XPO6: variants seen among roughly 807,000 people sequenced by gnomAD.
XPO6 encodes the protein exportin-6.
A neutral mutation model predicts 130.0 loss-of-function variants in XPO6; 3 were observed. That is an observed-to-expected ratio of 0.02 (90% confidence interval 0.01 to 0.06). The LOEUF is 0.06. Ranked by LOEUF, XPO6 falls within the 10% of genes least tolerant of loss-of-function variation. The pLI is 1.00. For missense variants in XPO6, 970 were observed against 1,393.0 expected (o/e 0.70, Z 4.83); for synonymous variants, 524 against 548.9 (o/e 0.95, Z 0.63).
chr16:28,101,371 C>A lies in XPO6; in HGVS notation c.3276+87G>T. On this transcript the variant is annotated intron_variant, in intron 23 of 23. Coordinates refer to ENST00000304658, the MANE Select transcript of XPO6 (RefSeq NM_015171.4). The surrounding 1 kb of genome is among the most constrained non-coding windows in gnomAD (Gnocchi z 5.4). ...GTGGGCACAGACCACGCCCAGAGGC[C>A]TCAATGTGCCCCCTCCTTGCTGCAC... 1.1e-5 allele frequency: 13 copies of A among 1,235,388 alleles called. No individual in the cohort carries two copies. The highest frequency in any genetic ancestry group is 1.5e-5 in the Non-Finnish European group (13 of 847,148). 76.5% of individuals were successfully genotyped at this position (1,235,388 alleles called of 1,614,324 possible). A position where few individuals can be genotyped will look rare whatever the true frequency, so the allele number is the denominator to read the frequency against.
intron 4 of XPO6, among the ~76,000 whole-genome samples, chr16:28,170,389 A>G (rs989564487): frequency 2.0e-5 from 3 of 152,082 alleles, no homozygotes; most frequent in Non-Finnish European, 4.4e-5. Context: ...GCTCTTTTTA[A>G]CCATTCAAAA....
At chr16:28,183,653 A>T (rs757016266) in intron 1 of XPO6, among the ~76,000 whole-genome samples, 85 of 152,148 alleles carry the variant, frequency 5.6e-4, no homozygotes, top group Non-Finnish European at 1.1e-3. Context: ...TGCTACATAA[A>T]CCATAAGGAA....
intron 12 of XPO6, 86 bp from the exon 13 acceptor site, chr16:28,125,934 C>T (rs2087392092): frequency 6.7e-7 from 1 of 1,498,356 alleles, no homozygotes; most frequent in Non-Finnish European, 9.0e-7. Context: ...AAGCCACACA[C>T]AGCAAAACCA....
chr16:28,159,918 G>A (rs749146161), intron 6 of XPO6, among the ~76,000 whole-genome samples: 10 of 152,128 alleles, frequency 6.6e-5, no homozygotes, highest in East Asian at 3.9e-4. Context: ...GGGCACAGTC[G>A]CTCACGCCTG....
intron 8 of XPO6, among the ~76,000 whole-genome samples, chr16:28,148,493 C>G (rs2043024640): frequency 6.6e-6 from 1 of 152,170 alleles, no homozygotes; most frequent in Non-Finnish European, 1.5e-5. Flanking sequence ...ACCTAGACCC[C>G]AATTTACTTT....
At position 28,098,201 on chromosome 16, in the gene XPO6, T is replaced by C; in HGVS notation, c.*337A>G. On this transcript the variant is annotated 3_prime_UTR_variant, in exon 24 of 24. Coordinates refer to ENST00000304658, the MANE Select transcript of XPO6 (RefSeq NM_015171.4). ...CTGGAATGGTGAGAAGGTGGCACTG[T>C]CGTGAGCTGTCCTTGGCAATTCTGC... The C allele has an allele frequency of 4.5e-6, 1 of 222,814 alleles. No homozygotes were observed. Among genetic ancestry groups the C allele is most frequent in the Non-Finnish European group, 8.9e-6 (1 of 112,382 alleles). The allele number at this position is 222,814 out of a possible 1,614,324, so 13.8% of individuals were successfully genotyped here.
rs2043528346 is a variant in XPO6 at position 28,175,960 on chromosome 16, C to T, written c.343G>A (p.Val115Ile). ...FIRNKLCKVI[V>I]DIGRQDWPMF... is the part of the protein sequence containing the mutation. ...GGCCAATCCTGACGTCCAATATCAA[C>T]AATAACTTTGCAGAGCTTGTTCCGG... The change falls in exon 4 of 24, where the codon GTT becomes ATT. Residue 115 changes from valine (V) to isoleucine (I), a missense_variant. Around this residue, in one of 4 missense-constraint regions of XPO6, gnomAD observed 936 missense variants for 1,306.8 expected, o/e 0.72. Transcript: ENST00000304658. 1.2e-6 allele frequency: 2 copies of T among 1,614,036 alleles called. No homozygotes were observed. The highest frequency in any genetic ancestry group is 1.7e-5 in the Admixed American group (1 of 60,006).
chr16:28,191,070 C>T (rs1211470703), intron 1 of XPO6, among the ~76,000 whole-genome samples: 1 of 152,174 alleles, frequency 6.6e-6, no homozygotes, highest in Non-Finnish European at 1.5e-5. Flanking sequence ...CCCCTGGCTG[C>T]TCCCAGCTAG....
At chr16:28,158,426 GT>G (rs1230510981) in intron 6 of XPO6, among the ~76,000 whole-genome samples, 1 of 152,164 alleles carries the variant, frequency 6.6e-6, no homozygotes, top group Non-Finnish European at 1.5e-5. Flanking sequence ...TTGCAAAACT[GT>G]AAAACAACAC....
intron 9 of XPO6, among the ~76,000 whole-genome samples, chr16:28,140,444 C>A (rs2042868850): frequency 1.3e-5 from 2 of 152,004 alleles, no homozygotes; most frequent in African/African-American, 4.8e-5. Flanking sequence ...CTTTGGGAGG[C>A]CAAGGCGGGC....
chr16:28,155,907 C>G, intron 7 of XPO6, 167 bp downstream of exon 7: 4 of 1,399,158 alleles, frequency 2.9e-6, no homozygotes, highest in Non-Finnish European at 3.7e-6. Context: ...ACCACCCAAG[C>G]CCTTCCAGCT....
At chr16:28,137,669 A>G (rs1287904275) in intron 9 of XPO6, among the ~76,000 whole-genome samples, 1 of 151,828 alleles carries the variant, frequency 6.6e-6, no homozygotes, top group Admixed American at 6.6e-5. Flanking sequence ...TAAAAATTTA[A>G]CCTATGCCAA....
At position 28,117,449 on chromosome 16, in the gene XPO6, G is replaced by C; in HGVS notation, c.1873C>G (p.Leu625Val). Residue 625 changes from leucine to valine, a missense_variant, in exon 15 of 24, where the codon CTG becomes GTG. Transcript: ENST00000304658. ...TGAGAGTAAGCCTGCAGCGCAGCCA[G>C]GGACTGAGCATGCCTGCAGAAAGAA... Reference protein sequence around the residue: ...PDLIDVHAQSLAALQAYSHWL... With the variant: ...PDLIDVHAQSVAALQAYSHWL... The C allele has an allele frequency of 6.2e-7, 1 of 1,613,952 alleles. No homozygotes were observed. Among genetic ancestry groups the C allele is most frequent in the Non-Finnish European group, 8.5e-7 (1 of 1,179,842 alleles).
At chr16:28,167,179 A>C (rs1227628506) in intron 5 of XPO6, 1 of 985,234 alleles carries the variant, frequency 1.0e-6, no homozygotes, top group African/African-American at 1.7e-5. Flanking sequence ...TTGACTATAT[A>C]CACCAAGCTC....
At chr16:28,131,279 C>T (rs1362676086) in intron 12 of XPO6, among the ~76,000 whole-genome samples, 1 of 152,216 alleles carries the variant, frequency 6.6e-6, no homozygotes, top group Non-Finnish European at 1.5e-5. Context: ...CCAGCCGTCA[C>T]AGACCACCAA....
At chr16:28,158,478 T>C (rs1014577029) in intron 6 of XPO6, among the ~76,000 whole-genome samples, 31 of 152,208 alleles carry the variant, frequency 2.0e-4, no homozygotes, top group Non-Finnish European at 1.5e-4. Context: ...TTGAAAAATA[T>C]AGTTATTTTT....
Position 28,152,770 on chromosome 16 carries a change from A to G in XPO6, c.1113T>C (p.Phe371=), listed in dbSNP as rs201365540. 177 of 1,613,256 alleles carry G rather than the reference A, an allele frequency of 1.1e-4. No individual in the cohort carries two copies. The highest frequency in any genetic ancestry group is 1.4e-4 in the Non-Finnish European group (165 of 1,179,668). The change falls in exon 8 of 24, where the codon TTT becomes TTC. Residue 371 remains phenylalanine (F), a synonymous_variant. Coordinates refer to ENST00000304658, the MANE Select transcript of XPO6 (RefSeq NM_015171.4). ...EELDESYIEK[F]TDFLRLFVSV... is the part of the protein sequence containing the mutation. ...TCACAAAGAGCCGAAGAAAGTCAGTAAACTTCTCGATATAGCTAAATGAGA... is the reference window on the plus strand; with the variant it reads ...TCACAAAGAGCCGAAGAAAGTCAGTGAACTTCTCGATATAGCTAAATGAGA...
chr16:28,153,130 C>G, intron 7 of XPO6: 1 of 1,026,958 alleles, frequency 9.7e-7, no homozygotes, highest in Non-Finnish European at 1.2e-6. Context: ...TTCAATCTGG[C>G]AAGTCTAGAA....
chr16:28,159,227 T>A (rs1461893743), intron 6 of XPO6, among the ~76,000 whole-genome samples: 1 of 151,812 alleles, frequency 6.6e-6, no homozygotes, highest in African/African-American at 2.4e-5. Context: ...CAAGACTCTG[T>A]CTTTAAAAAA....
Sources: allele counts gnomAD v4.1 joint callset (sites outside exome capture counted in the v4.1 genomes callset), GRCh38; gene constraint gnomAD v4.1.1; regional missense constraint gnomAD v4.1.1; non-coding constraint Gnocchi (gnomAD v3.1); transcripts MANE v1.5; gene names NCBI Gene and HGNC (gene_info 2026-07-23, HGNC 2026-07-21).